MAST4: variants seen among roughly 807,000 people sequenced by gnomAD.
The protein encoded by MAST4 is microtubule-associated serine/threonine-protein kinase 4.
A neutral mutation model predicts 162.7 loss-of-function variants in MAST4; 89 were observed. That is an observed-to-expected ratio of 0.55 (90% CI 0.46 to 0.65). The LOEUF is 0.65. Among genes scored for constraint, MAST4 ranks in the 30% least tolerant of loss-of-function variants. The pLI is 0.00. For missense variants in MAST4, 3,153 were observed against 3,374.0 expected, an observed-to-expected ratio of 0.93 and a Z score of 1.62; for synonymous variants, 1,479 against 1,361.1, an observed-to-expected ratio of 1.09 and a Z score of -1.91.
At chr5:67,056,910 C>T (rs1325928657) in intron 5 of MAST4, among the ~76,000 whole-genome samples, 3 of 151,892 alleles carry the variant, frequency 2.0e-5, no homozygotes, top group Admixed American at 2.0e-4. Flanking sequence ...GCCCTGTTGG[C>T]CAGGCTGGTC....
intron 3 of MAST4, among the ~76,000 whole-genome samples, chr5:66,889,106 A>G (rs1397216568): frequency 6.6e-6 from 1 of 152,240 alleles, no homozygotes; most frequent in Non-Finnish European, 1.5e-5. Context: ...ACAATAAGCA[A>G]TAAAAGTCGA....
At chr5:66,739,246 T>C (rs188081181) in intron 1 of MAST4, among the ~76,000 whole-genome samples, 6 of 152,338 alleles carry the variant, frequency 3.9e-5, no homozygotes, top group African/African-American at 1.4e-4. Context: ...TAACATAAAG[T>C]GTAAAATTAT....
intron 4 of MAST4, among the ~76,000 whole-genome samples, chr5:66,922,782 A>G (rs1764627207): frequency 1.3e-5 from 2 of 152,212 alleles, no homozygotes; most frequent in Non-Finnish European, 2.9e-5. Flanking sequence ...AAAAAAGTCA[A>G]AGGATTTCTA....
chr5:66,936,414 G>A (rs1407511275), intron 4 of MAST4, among the ~76,000 whole-genome samples: 1 of 152,204 alleles, frequency 6.6e-6, no homozygotes, highest in East Asian at 1.9e-4. Flanking sequence ...GAGCAATAAA[G>A]CTTTTAATCA....
chr5:66,775,187 A>G (rs779956668), intron 2 of MAST4, among the ~76,000 whole-genome samples: 22 of 152,160 alleles, frequency 1.4e-4, no homozygotes, highest in Non-Finnish European at 2.8e-4. Flanking sequence ...TGTGGATCAA[A>G]TAATGGGAGA....
At chr5:67,067,923 G>C (rs1345449545) in intron 5 of MAST4, among the ~76,000 whole-genome samples, 1 of 152,056 alleles carries the variant, frequency 6.6e-6, no homozygotes. Flanking sequence ...TGAAGAATCG[G>C]TGTACACACA....
intron 1 of MAST4, among the ~76,000 whole-genome samples, chr5:66,673,523 G>GTTTTTTTTTTTT (rs1208217801): frequency 7.6e-6 from 1 of 131,318 alleles, no homozygotes; most frequent in Admixed American, 8.8e-5. Flanking sequence ...TTTGTTTTTT[G>GTTTTTTTTTTTT]TTTTTTGTTT....
intron 4 of MAST4, among the ~76,000 whole-genome samples, chr5:67,035,469 C>T (rs965388005): frequency 1.3e-5 from 2 of 152,122 alleles, no homozygotes; most frequent in South Asian, 2.1e-4. Flanking sequence ...CTCAAGCAAG[C>T]GGGATCTACT....
chr5:66,618,054 G>A (rs1361309158), intron 1 of MAST4, among the ~76,000 whole-genome samples: 2 of 150,146 alleles, frequency 1.3e-5, no homozygotes, highest in African/African-American at 4.9e-5. Flanking sequence ...CCCTGATTCT[G>A]TGTCTATGCG....
intron 1 of MAST4, among the ~76,000 whole-genome samples, chr5:66,616,324 T>C (rs1014732483): frequency 6.6e-6 from 1 of 152,064 alleles, no homozygotes; most frequent in Admixed American, 6.6e-5. Flanking sequence ...CAGAGTTGGA[T>C]TCAGAGAAGA....
chr5:66,941,788 C>G (rs1395008516), intron 4 of MAST4, among the ~76,000 whole-genome samples: 1 of 152,098 alleles, frequency 6.6e-6, no homozygotes, highest in East Asian at 1.9e-4. Flanking sequence ...AGATGTGTGT[C>G]TCTTCCATTT....
In MAST4 at chr5:67,163,022, C is replaced by T; in HGVS notation, c.3968-125C>T. On this transcript the variant is annotated intron_variant, in intron 28 of 28. Coordinates refer to ENST00000403625, the MANE Select transcript of MAST4 (RefSeq NM_001164664.2). The surrounding 1 kb of genome is among the most constrained non-coding windows in gnomAD (Gnocchi z 7.0). Reference sequence around the variant, plus strand: ...GTTTATCTGAAAAGTGTTTATTCCACTAGCTAAATGCTGAGACAATTTGCT... The same window carrying T: ...GTTTATCTGAAAAGTGTTTATTCCATTAGCTAAATGCTGAGACAATTTGCT... The T allele has an allele frequency of 8.6e-7, 1 of 1,168,766 alleles. No homozygotes were observed. The highest frequency in any genetic ancestry group is 1.5e-5 in the African/African-American group (1 of 65,100). 72.4% of individuals were successfully genotyped at this position (1,168,766 alleles called of 1,614,324 possible).
chr5:66,804,517 A>G (rs1027579580), intron 3 of MAST4, among the ~76,000 whole-genome samples: 2 of 152,222 alleles, frequency 1.3e-5, no homozygotes, highest in Admixed American at 1.3e-4. Context: ...TAGAGTGGTG[A>G]GCAGAAACAA....
chr5:66,687,817 G>A (rs1248050201), intron 1 of MAST4, among the ~76,000 whole-genome samples: 2 of 152,070 alleles, frequency 1.3e-5, no homozygotes, highest in Admixed American at 6.5e-5. Context: ...TTTCTTTTGA[G>A]TAAATACTCA....
chr5:67,002,454 G>A (rs1027705638), intron 4 of MAST4, among the ~76,000 whole-genome samples: 4 of 152,180 alleles, frequency 2.6e-5, no homozygotes, highest in Non-Finnish European at 5.9e-5. Flanking sequence ...TGTGACTTTA[G>A]CCTTGAGGAA....
At chr5:67,061,501 T>C (rs892790665) in intron 5 of MAST4, among the ~76,000 whole-genome samples, 1 of 152,144 alleles carries the variant, frequency 6.6e-6, no homozygotes, top group Non-Finnish European at 1.5e-5. Context: ...ATTTCCCTTT[T>C]TATAACAGTG....
chr5:66,607,511 G>T (rs1742970129), intron 1 of MAST4, among the ~76,000 whole-genome samples: 1 of 152,174 alleles, frequency 6.6e-6, no homozygotes, highest in African/African-American at 2.4e-5. Context: ...TTGGCCACAT[G>T]TTAAAAGGAA....
chr5:66,964,695 T>C (rs1425929631), intron 4 of MAST4, among the ~76,000 whole-genome samples: 4 of 152,134 alleles, frequency 2.6e-5, no homozygotes, highest in African/African-American at 7.2e-5. Flanking sequence ...AGCTACCCCA[T>C]GGGAGGCTGA....
intron 3 of MAST4, among the ~76,000 whole-genome samples, chr5:66,804,276 G>T (rs1261058593): frequency 6.7e-6 from 1 of 150,336 alleles, no homozygotes; most frequent in East Asian, 1.9e-4. Context: ...TAATAGGGCT[G>T]CATAATAAAT....
Sources: gnomAD v4.1 joint callset for allele counts (sites outside exome capture counted in the v4.1 genomes callset) on GRCh38, gnomAD v4.1.1 for gene constraint, Gnocchi (gnomAD v3.1) non-coding constraint, MANE v1.5 for transcripts, NCBI Gene and HGNC (gene_info 2026-07-23, HGNC 2026-07-21) for gene names.